The following CELF2 variants were observed in gnomAD, a reference collection of about 807,000 sequenced individuals.
The protein encoded by CELF2 is CUGBP Elav-like family member 2, also known as CUG triplet repeat RNA-binding protein 2.
In CELF2, 8 loss-of-function variants were observed where a neutral mutation model predicts 62.6. That is an observed-to-expected ratio of 0.13 (90% CI 0.07 to 0.23). The LOEUF is 0.23. Ranked by LOEUF, CELF2 falls within the 10% of genes least tolerant of loss-of-function variation. CELF2 has a pLI of 1.00. For synonymous variants in CELF2, 258 were observed against 250.0 expected (o/e 1.03, Z -0.30); for missense variants, 333 against 671.0 (o/e 0.50, Z 5.56).
chr10:10,670,288 A>G, the CELF2 span, among the ~76,000 whole-genome samples: 1 of 152,214 alleles, frequency 6.6e-6, no homozygotes, highest in Admixed American at 6.5e-5. Flanking sequence ...TGAGTTTCCA[A>G]CAAGAGTCAT....
chr10:10,865,918 A>G (rs924350234), intron 1 of CELF2, among the ~76,000 whole-genome samples: 2 of 152,024 alleles, frequency 1.3e-5, no homozygotes, highest in African/African-American at 4.8e-5. Flanking sequence ...GAGGTTAAAT[A>G]ATTTTGTTCT....
chr10:10,813,168 A>G lies in CELF2; in HGVS notation c.53+14351A>G, dbSNP rs190548948. On this transcript the variant is annotated intron_variant, in intron 1 of 13. Transcript: ENST00000636488. ...CCGTAGAGCTGATGGACGAAACTACAGATCTGTGTTCAGATGTGCTGTCTC... is the reference window on the plus strand; with the variant it reads ...CCGTAGAGCTGATGGACGAAACTACGGATCTGTGTTCAGATGTGCTGTCTC... Among the ~76,000 whole-genome samples, 5 of 152,322 alleles carry G rather than the reference A, an allele frequency of 3.3e-5. No individual in the cohort carries two copies. The East Asian group carries it at 9.6e-4, about 29-fold the overall frequency.
the CELF2 span, among the ~76,000 whole-genome samples, chr10:10,674,484 T>G: frequency 2.6e-5 from 4 of 152,242 alleles, no homozygotes; most frequent in African/African-American, 9.6e-5. Flanking sequence ...CAGTCTGTGT[T>G]TTCATTGCTG....
At chr10:10,515,249 G>A in the CELF2 span, among the ~76,000 whole-genome samples, 1 of 152,196 alleles carries the variant, frequency 6.6e-6, no homozygotes. Context: ...AATTCTGTAT[G>A]TGTAATGAAG....
the CELF2 span, among the ~76,000 whole-genome samples, chr10:10,595,722 C>G: frequency 1.3e-5 from 2 of 152,070 alleles, no homozygotes; most frequent in African/African-American, 4.8e-5. Context: ...TGGTGAAACC[C>G]CCATCTCTAC....
chr10:10,782,705 C>T, the CELF2 span, among the ~76,000 whole-genome samples: 2 of 152,156 alleles, frequency 1.3e-5, no homozygotes, highest in Admixed American at 6.5e-5. Context: ...ATCCTGAATG[C>T]GCCACTTTCT....
the CELF2 span, among the ~76,000 whole-genome samples, chr10:10,698,164 C>T: frequency 6.6e-6 from 1 of 152,148 alleles, no homozygotes; most frequent in African/African-American, 2.4e-5. Context: ...CAGTTTATTT[C>T]GTAGATCCTA....
chr10:10,676,063 G>T, the CELF2 span, among the ~76,000 whole-genome samples: 7 of 152,258 alleles, frequency 4.6e-5, no homozygotes, highest in Admixed American at 3.3e-4. Context: ...AACTGCTGGT[G>T]GTAGGCTTTA....
At chr10:10,758,395 T>G in the CELF2 span, among the ~76,000 whole-genome samples, 1 of 152,182 alleles carries the variant, frequency 6.6e-6, no homozygotes, top group African/African-American at 2.4e-5. Flanking sequence ...CTACGACTCT[T>G]TGGCAGTCTT....
Position 11,098,388 on chromosome 10 carries a change from C to T in CELF2, c.75-67098C>T, listed in dbSNP as rs2050506956. 6.6e-6 allele frequency: 1 copy of T among 152,274 alleles called. No individual in the cohort carries two copies. Among genetic ancestry groups the T allele is most frequent in the Non-Finnish European group, 1.5e-5 (1 of 68,120 alleles). The allele number at this position is 152,274 out of a possible 1,614,324, so 9.4% of individuals were successfully genotyped here. A position where few individuals can be genotyped will look rare whatever the true frequency, so the allele number is the denominator to read the frequency against. ...CCGTGGCAAGTGTCTAATTCTCCCT[C>T]CTGCTTAGCTCCATTTGCCCTTAGG... On this transcript the variant is annotated intron_variant, in intron 1 of 12. Transcript: ENST00000633077. The surrounding 1 kb of genome is among the most constrained non-coding windows in gnomAD (Gnocchi z 4.0).
At chr10:10,740,003 A>G in the CELF2 span, among the ~76,000 whole-genome samples, 2 of 152,002 alleles carry the variant, frequency 1.3e-5, no homozygotes, top group Non-Finnish European at 2.9e-5. Flanking sequence ...TTCCTGACAT[A>G]TTTTGGATAT....
chr10:11,005,130 A>G, upstream of CELF2: 10 of 985,284 alleles, frequency 1.0e-5, no homozygotes, highest in Non-Finnish European at 1.2e-5. The surrounding 1 kb of genome is among the most constrained non-coding windows in gnomAD (Gnocchi z 4.3). Flanking sequence ...GTATTAGTGT[A>G]ATAATATGCA....
At chr10:10,493,470 A>G in the CELF2 span, among the ~76,000 whole-genome samples, 3 of 151,910 alleles carry the variant, frequency 2.0e-5, no homozygotes, top group Non-Finnish European at 4.4e-5. Context: ...TAAGTTTCAC[A>G]GCCTTTAGCA....
chr10:10,672,875 T>C, the CELF2 span, among the ~76,000 whole-genome samples: 4 of 152,164 alleles, frequency 2.6e-5, no homozygotes, highest in Non-Finnish European at 2.9e-5. Context: ...AATTTGTAGA[T>C]CAAGTTGGGA....
upstream of CELF2, among the ~76,000 whole-genome samples, chr10:11,017,270 G>C (rs2057378575): frequency 6.6e-6 from 1 of 152,156 alleles, no homozygotes; most frequent in South Asian, 2.1e-4. The surrounding 1 kb of genome is among the most constrained non-coding windows in gnomAD (Gnocchi z 5.5). Flanking sequence ...ACTAGGAAAT[G>C]GCAGATTCAT....
At chr10:11,107,855 A>ATCCCTTCTACCATCTCC (rs769782341) in intron 1 of CELF2, among the ~76,000 whole-genome samples, 22 of 78,544 alleles carry the variant, frequency 2.8e-4, no homozygotes, top group Non-Finnish European at 4.0e-4. Flanking sequence ...ATTTCTCCCC[A>ATCCCTTCTACCATCTCC]TCCCTTCTAC....
chr10:11,065,372 A>T (rs1388463031), intron 1 of CELF2, among the ~76,000 whole-genome samples: 1 of 152,208 alleles, frequency 6.6e-6, no homozygotes, highest in Non-Finnish European at 1.5e-5. Flanking sequence ...AAATTCTTGA[A>T]CTGCTAAAGG....
intron 7 of CELF2, among the ~76,000 whole-genome samples, chr10:11,271,930 G>A (rs949586418): frequency 8.5e-5 from 13 of 152,162 alleles, no homozygotes; most frequent in African/African-American, 2.4e-4. Context: ...AAGAGGTTAC[G>A]TAACGTTACC....
intron 3 of CELF2, among the ~76,000 whole-genome samples, chr10:11,238,928 AAC>A (rs1039990510): frequency 6.6e-6 from 1 of 152,200 alleles, no homozygotes; most frequent in African/African-American, 2.4e-5. Context: ...TTAGTATGAA[AAC>A]ACAGAACCTA....
Sources: allele counts gnomAD v4.1 joint callset (sites outside exome capture counted in the v4.1 genomes callset), GRCh38; gene constraint gnomAD v4.1.1; non-coding constraint Gnocchi (gnomAD v3.1); transcripts MANE v1.5; gene names NCBI Gene and HGNC (gene_info 2026-07-23, HGNC 2026-07-21).